Variants in TUT7 observed in about 807,000 individuals in gnomAD.
TUT7 encodes the protein terminal uridylyltransferase 7.
Under a neutral mutation model 165.9 loss-of-function variants are expected in TUT7, and 33 were observed. The ratio of observed to expected loss-of-function variants is 0.20; its 90% CI spans 0.15 to 0.27. TUT7 has a LOEUF of 0.27. Ranked by LOEUF, TUT7 falls within the 10% of genes least tolerant of loss-of-function variation. The pLI is 1.00. For synonymous variants in TUT7, 552 were observed against 608.1 expected (o/e 0.91, Z 1.36); for missense variants, 1,338 against 1,762.3 (o/e 0.76, Z 4.31).
At chr9:86,342,733 G>A (rs1326917225) in intron 6 of TUT7, among the ~76,000 whole-genome samples, 1 of 152,066 alleles carries the variant, frequency 6.6e-6, no homozygotes, top group Non-Finnish European at 1.5e-5. Flanking sequence ...GATCATAAAT[G>A]TTTAAATATC....
Position 86,342,643 on chromosome 9 carries a change from G to A in TUT7, c.1086+432C>T, listed in dbSNP as rs557532126. ...TGTTTAAACCAGAAATCCAGGCTAG[G>A]TGTGATTCTTTAAAAGCCTAATTAT... On this transcript the variant is annotated intron_variant, in intron 6 of 26. Coordinates refer to ENST00000375963, the MANE Select transcript of TUT7 (RefSeq NM_024617.4). Among the ~76,000 whole-genome samples, 3 of 152,230 alleles carry A rather than the reference G, an allele frequency of 2.0e-5. No homozygotes were observed. The East Asian group carries it at 5.8e-4, about 29-fold the overall frequency.
At chr9:86,343,558 T>C (rs1185964531) in intron 5 of TUT7, among the ~76,000 whole-genome samples, 1 of 152,222 alleles carries the variant, frequency 6.6e-6, no homozygotes, top group African/African-American at 2.4e-5. Flanking sequence ...CCTGATAGTA[T>C]ATTCAAGAGC....
intron 26 of TUT7, among the ~76,000 whole-genome samples, chr9:86,293,298 A>G (rs1826034143): frequency 6.6e-6 from 1 of 152,122 alleles, no homozygotes; most frequent in African/African-American, 2.4e-5. Flanking sequence ...AAAAAATTTT[A>G]AAAATCAGCT....
chr9:86,353,246 T>A lies in TUT7; in HGVS notation c.-31-16A>T, dbSNP rs773058929. ...TACTTTGCACCTGAAAGAAGGTATT[T>A]TGGGGAAATATCAAACTATATAACA... On this transcript the variant is annotated splice_polypyrimidine_tract_variant and intron_variant, in intron 1 of 26. Transcript: ENST00000375963. 6.6e-7 allele frequency: 1 copy of A among 1,514,554 alleles called. No individual in the cohort carries two copies. The highest frequency in any genetic ancestry group is 2.3e-5 in the East Asian group (1 of 44,094). 93.8% of individuals were successfully genotyped at this position (1,514,554 alleles called of 1,614,324 possible).
intron 26 of TUT7, among the ~76,000 whole-genome samples, chr9:86,297,954 C>T (rs116674672): frequency 0.017 from 1,364 of 81,246 alleles, 30 homozygotes; most frequent in African/African-American, 0.064. Flanking sequence ...TTCTGTCTCT[C>T]GAGTTTCCAA....
In TUT7 at chr9:86,344,969, G is replaced by C. The variant is rs1831630302; in HGVS notation, c.997+8C>G. The stretch of plus-strand genomic sequence containing the variant: ...GTAGTTAAATAGAAAAACAAATCTA[G>C]AAAATACCTGGTAACTTGTGTTGGA... On this transcript the variant is annotated splice_region_variant and intron_variant, in intron 5 of 26. Coordinates refer to ENST00000375963, the MANE Select transcript of TUT7 (RefSeq NM_024617.4). 1 of 1,600,102 alleles carries C rather than the reference G, an allele frequency of 6.2e-7. No individual in the cohort carries two copies. Among genetic ancestry groups the C allele is most frequent in the African/African-American group, 1.3e-5 (1 of 74,222 alleles).
At chr9:86,329,536 AC>A (rs1387461321) in intron 10 of TUT7, among the ~76,000 whole-genome samples, 49 of 148,082 alleles carry the variant, frequency 3.3e-4, no homozygotes, top group Non-Finnish European at 4.9e-4. Flanking sequence ...AAAAAAAAAA[AC>A]AAAACAAAAA....
intron 26 of TUT7, among the ~76,000 whole-genome samples, chr9:86,295,834 T>C (rs957031705): frequency 1.4e-5 from 2 of 140,750 alleles, no homozygotes; most frequent in Non-Finnish European, 3.1e-5. Flanking sequence ...AATAAATAAA[T>C]AGACAGAGGT....
chr9:86,354,082 C>T (rs1450282525), intron 1 of TUT7, among the ~76,000 whole-genome samples, 189 bp downstream of exon 1: 1 of 152,186 alleles, frequency 6.6e-6, no homozygotes, highest in Non-Finnish European at 1.5e-5. Context: ...CATGGGGTTC[C>T]AGGGTTCCCC....
At chr9:86,302,404 C>T (rs2131308817) in intron 25 of TUT7, among the ~76,000 whole-genome samples, 1 of 152,264 alleles carries the variant, frequency 6.6e-6, no homozygotes. Flanking sequence ...AGTTACTGTG[C>T]ATTAGAGATG....
At chr9:86,306,103 G>A (rs1827443733) in intron 22 of TUT7, among the ~76,000 whole-genome samples, 1 of 152,160 alleles carries the variant, frequency 6.6e-6, no homozygotes, top group African/African-American at 2.4e-5. Flanking sequence ...TAGACATTAT[G>A]TGTAGATATC....
rs1374960301 is a variant in TUT7, at chr9:86,319,732, GAAAA to G, written c.3029-66_3029-63del. The G allele has an allele frequency of 1.3e-5, 14 of 1,111,218 alleles. No individual in the cohort carries two copies. In the Admixed American group the frequency reaches 3.3e-4, roughly 26 times the overall value. 68.8% of individuals were successfully genotyped at this position (1,111,218 alleles called of 1,614,324 possible). On this transcript the variant is annotated intron_variant, in intron 14 of 26. Transcript: ENST00000375963. ...CCGGTTGACACTCTTAGAAAAAGCT[GAAAA>G]AAATTTATTTTTTAGAAAATAAAAC...
intron 2 of TUT7, among the ~76,000 whole-genome samples, chr9:86,347,237 T>G (rs1831856173): frequency 6.6e-6 from 1 of 152,232 alleles, no homozygotes; most frequent in African/African-American, 2.4e-5. Context: ...TAAGTACATT[T>G]GTTTATAAAC....
intron 14 of TUT7, among the ~76,000 whole-genome samples, chr9:86,321,190 TAAAAA>T (rs758749770): frequency 8.2e-6 from 1 of 121,296 alleles, no homozygotes; most frequent in African/African-American, 3.1e-5. Flanking sequence ...CCATCTCTAC[TAAAAA>T]AAAAAAAAAA....
chr9:86,351,390 C>T (rs189958445), intron 2 of TUT7, among the ~76,000 whole-genome samples: 20 of 151,756 alleles, frequency 1.3e-4, no homozygotes, highest in South Asian at 4.2e-4. Flanking sequence ...GAGCCAAGAT[C>T]GCGCCACTGT....
Position 86,304,959 on chromosome 9 carries a change from A to G in TUT7, c.3887-12T>C. On this transcript the variant is annotated splice_polypyrimidine_tract_variant and intron_variant, in intron 23 of 26. Coordinates refer to ENST00000375963, the MANE Select transcript of TUT7 (RefSeq NM_024617.4). Reference sequence around the variant, plus strand: ...TATAAAATTTGTCACTAAAAAGAAGAGTAAGAACTCACTTAGGCGGGTTAA... The same window carrying G: ...TATAAAATTTGTCACTAAAAAGAAGGGTAAGAACTCACTTAGGCGGGTTAA... 6.4e-7 allele frequency: 1 copy of G among 1,562,922 alleles called. No homozygotes were observed. The highest frequency in any genetic ancestry group is 8.8e-7 in the Non-Finnish European group (1 of 1,138,162).
At chr9:86,298,741 ATT>A in intron 26 of TUT7, 2 of 968,066 alleles carry the variant, frequency 2.1e-6, no homozygotes, top group Non-Finnish European at 2.5e-6. Context: ...AATAACACAC[ATT>A]TGTTTTTTTT....
rs779983516 is a variant in TUT7 at position 86,303,161 on chromosome 9, A to G, written c.4019T>C (p.Leu1340Pro). Residue 1340 changes from leucine to proline, a missense_variant, in exon 25 of 27, where the codon CTG (leucine) becomes CCG (proline). Around this residue, in one of 7 missense-constraint regions of TUT7, gnomAD observed 167 missense variants for 204.9 expected, o/e 0.82. Coordinates refer to ENST00000375963, the MANE Select transcript of TUT7 (RefSeq NM_024617.4). ...TCGACAACATCTATCATTTGGGGCC[A>G]GCTCTCCTTCAGTTAACACATCTGG... The part of the protein sequence containing the change: ...FDPDVLTEGE[L>P]APNDRCCRIC... The G allele has an allele frequency of 1.2e-5, 19 of 1,610,824 alleles. No homozygotes were observed. The highest frequency in any genetic ancestry group is 1.6e-5 in the Non-Finnish European group (19 of 1,178,308).
chr9:86,323,846 A>G lies in TUT7; in HGVS notation c.1904T>C (p.Ile635Thr). 6.2e-7 allele frequency: 1 copy of G among 1,614,164 alleles called. No homozygotes were observed. Among genetic ancestry groups the G allele is most frequent in the South Asian group, 1.1e-5 (1 of 91,074 alleles). Residue 635 changes from isoleucine (I) to threonine (T), a missense_variant, in exon 13 of 27, where the codon ATT becomes ACT. By Grantham distance (89) the Ile-to-Thr change is moderately conservative. Coordinates refer to ENST00000375963, the MANE Select transcript of TUT7 (RefSeq NM_024617.4). ...AGGCTTTAGAAGGCTGGATTTTGTAATTTTGTGTGGAAGAGCAAAATACTT... is the reference window on the plus strand; with the variant it reads ...AGGCTTTAGAAGGCTGGATTTTGTAGTTTTGTGTGGAAGAGCAAAATACTT... ...TYKYFALPHK[I>T]TKSSLLKPLN... is the part of the protein sequence containing the mutation.
Sources: allele counts gnomAD v4.1 joint callset (sites outside exome capture counted in the v4.1 genomes callset), GRCh38; gene constraint gnomAD v4.1.1; regional missense constraint gnomAD v4.1.1; transcripts MANE v1.5; gene names NCBI Gene and HGNC (gene_info 2026-07-23, HGNC 2026-07-21).